TRPM4: variants seen among roughly 807,000 people sequenced by gnomAD.
TRPM4 encodes the protein calcium-activated non-selective cation channel 1.
Under a neutral mutation model 135.6 loss-of-function variants are expected in TRPM4, and 124 were observed. The observed-to-expected ratio is 0.91, with a 90% CI of 0.79 to 1.06. TRPM4 has a LOEUF of 1.06. Among genes scored for constraint, TRPM4 ranks in the 50% least tolerant of loss-of-function variants. The pLI is 0.00. For missense variants in TRPM4, 1,658 were observed against 1,671.4 expected (o/e 0.99, Z 0.14); for synonymous variants, 745 against 705.6 (o/e 1.06, Z -0.88).
Position 49,182,603 on chromosome 19 carries a change from T to C in TRPM4, c.1289T>C (p.Met430Thr). 1.2e-6 allele frequency: 2 copies of C among 1,613,960 alleles called. No homozygotes were observed. The highest frequency in any genetic ancestry group is 1.7e-6 in the Non-Finnish European group (2 of 1,180,026). ...WRSFHLEASL[M>T]DALLNDRPEF... ...TCCTTCCATCTCGAAGCTTCCCTCA[T>C]GGACGCCCTGCTGAATGACCGGCCT... The change falls in exon 11 of 25, where the codon ATG (methionine) becomes ACG (threonine). Residue 430 changes from methionine to threonine, a missense_variant. Physicochemically the swap from Met to Thr is moderately conservative, Grantham distance 81. Coordinates refer to ENST00000252826, the MANE Select transcript of TRPM4 (RefSeq NM_017636.4).
Position 49,195,793 on chromosome 19 carries a change from C to T in TRPM4, c.2211-647C>T, listed in dbSNP as rs1968610653. Among the ~76,000 whole-genome samples the T allele has an allele frequency of 2.6e-5, 4 of 151,322 alleles. No individual in the cohort carries two copies. In the South Asian group the frequency reaches 8.3e-4, roughly 31 times the overall value. Reference sequence around the variant, plus strand: ...GGGCCTCCTGTACTCAAGTGATCCTCCCATTTCAGCCTCCCCAGTAGCTGG... The same window carrying T: ...GGGCCTCCTGTACTCAAGTGATCCTTCCATTTCAGCCTCCCCAGTAGCTGG... On this transcript the variant is annotated intron_variant, in intron 16 of 24. Coordinates refer to ENST00000252826, the MANE Select transcript of TRPM4 (RefSeq NM_017636.4).
chr19:49,194,595 C>A (rs1008977022), intron 16 of TRPM4, among the ~76,000 whole-genome samples: 8 of 151,122 alleles, frequency 5.3e-5, no homozygotes, highest in Middle Eastern at 3.4e-3. Context: ...TCCTTCCTTT[C>A]CTTTCCTTTT....
In TRPM4 at chr19:49,200,298, A is replaced by T. The variant is rs1968863938; in HGVS notation, c.2646-2A>T. On this transcript the variant is annotated splice_acceptor_variant, in intron 17 of 24. Transcript: ENST00000252826. LOFTEE classifies it high-confidence loss of function. ...CCCTTGTGGCATCTCCCCACACCCC[A>T]GGCTGACCCCGGGTTTGTACCACCT... is the stretch of plus-strand genomic sequence containing the variant. 1.2e-6 allele frequency: 2 copies of T among 1,613,966 alleles called. No individual in the cohort carries two copies. Among genetic ancestry groups the T allele is most frequent in the African/African-American group, 2.7e-5 (2 of 74,890 alleles).
In TRPM4 at chr19:49,210,473, G is replaced by A; in HGVS notation, c.3328+68G>A. 6.4e-7 allele frequency: 1 copy of A among 1,568,842 alleles called. No homozygotes were observed. Among genetic ancestry groups the A allele is most frequent in the Non-Finnish European group, 8.7e-7 (1 of 1,152,184 alleles). ...CGGGAGCCTGGAAGGCGAGGGGAAG[G>A]GGGCATGCCCCAAATGACTAACGGG... is the stretch of plus-strand genomic sequence containing the variant. On this transcript the variant is annotated intron_variant, in intron 21 of 24. Transcript: ENST00000252826. This position sits in a 1 kb window ranked among gnomAD's most constrained non-coding sequence, Gnocchi z 4.1.
chr19:49,177,338 T>C (rs1029747465), intron 9 of TRPM4, among the ~76,000 whole-genome samples: 7 of 147,864 alleles, frequency 4.7e-5, no homozygotes, highest in South Asian at 2.2e-4. Context: ...GTCTTTTTTT[T>C]TTTTTTTTTT....
chr19:49,197,362 TTC>T (rs1555761733), intron 17 of TRPM4, among the ~76,000 whole-genome samples: 8,084 of 89,848 alleles, frequency 0.09, 319 homozygotes, highest in South Asian at 0.13. Flanking sequence ...CTTTCTTTCT[TTC>T]TCTCTCTTTC....
chr19:49,191,206 C>T (rs1444856330), intron 16 of TRPM4, among the ~76,000 whole-genome samples: 1 of 151,944 alleles, frequency 6.6e-6, no homozygotes, highest in Admixed American at 6.6e-5. Context: ...TTTCTTTGTT[C>T]TTTTTTTCTT....
chr19:49,211,203 G>C lies in TRPM4; in HGVS notation c.3574G>C (p.Ala1192Pro). ...CCGCGTCCTGGGGTGGGTGGCCGAGGCCCTGAGCCGCTCTGCCTTGCTGCC... is the reference window on the plus strand; with the variant it reads ...CCGCGTCCTGGGGTGGGTGGCCGAGCCCCTGAGCCGCTCTGCCTTGCTGCC... Reference protein sequence around the residue: ...CSRVLGWVAEALSRSALLPPG... With the variant: ...CSRVLGWVAEPLSRSALLPPG... The change falls in exon 24 of 25, where the codon GCC becomes CCC. Residue 1192 changes from alanine to proline, a missense_variant. Coordinates refer to ENST00000252826, the MANE Select transcript of TRPM4 (RefSeq NM_017636.4). The surrounding 1 kb of genome is among the most constrained non-coding windows in gnomAD (Gnocchi z 4.8). 6.2e-7 allele frequency: 1 copy of C among 1,601,086 alleles called. No homozygotes were observed. Among genetic ancestry groups the C allele is most frequent in the Non-Finnish European group, 8.5e-7 (1 of 1,174,566 alleles).
chr19:49,168,980 T>C (rs2122813476), intron 6 of TRPM4, among the ~76,000 whole-genome samples: 1 of 151,888 alleles, frequency 6.6e-6, no homozygotes, highest in South Asian at 2.1e-4. Flanking sequence ...AAGACCAGCC[T>C]GGGTAACAGA....
intron 9 of TRPM4, among the ~76,000 whole-genome samples, chr19:49,174,255 C>T (rs183236416): frequency 2.2e-4 from 33 of 152,126 alleles, no homozygotes; most frequent in Non-Finnish European, 3.8e-4. Flanking sequence ...CGGGTTCAAG[C>T]GATTCTCCTG....
chr19:49,181,657 G>A (rs922478732), intron 10 of TRPM4, among the ~76,000 whole-genome samples, 196 bp downstream of exon 10: 16 of 149,458 alleles, frequency 1.1e-4, no homozygotes, highest in African/African-American at 1.7e-4. Flanking sequence ...TCAGCCTCCC[G>A]AGTAGCTGGG....
At chr19:49,209,721 A>C (rs1969275796) in intron 20 of TRPM4, among the ~76,000 whole-genome samples, 7 of 135,896 alleles carry the variant, frequency 5.2e-5, no homozygotes, top group African/African-American at 8.3e-5. Context: ...CTGACATCTG[A>C]CCCTTGGCCC....
At chr19:49,158,319 G>T (rs2041558303) in intron 2 of TRPM4, 60 bp downstream of exon 2, 5 of 1,503,792 alleles carry the variant, frequency 3.3e-6, no homozygotes, top group South Asian at 1.1e-5. Flanking sequence ...CCCCGCCCGC[G>T]GATGGTCACG....
intron 17 of TRPM4, among the ~76,000 whole-genome samples, chr19:49,199,718 TTTC>T (rs1418906296): frequency 6.6e-6 from 1 of 150,622 alleles, no homozygotes; most frequent in Non-Finnish European, 1.5e-5. Flanking sequence ...CTTTTGTATG[TTTC>T]TTTTCTTTTC....
At chr19:49,177,330 C>CTTTT (rs36041791) in intron 9 of TRPM4, among the ~76,000 whole-genome samples, 5 of 117,286 alleles carry the variant, frequency 4.3e-5, no homozygotes, top group Admixed American at 9.0e-5. Flanking sequence ...ATGAATGCGT[C>CTTTT]TTTTTTTTTT....
At position 49,196,475 on chromosome 19, in the gene TRPM4, T is replaced by C; in HGVS notation, c.2246T>C (p.Val749Ala). 1 of 1,554,206 alleles carries C rather than the reference T, an allele frequency of 6.4e-7. No homozygotes were observed. Among genetic ancestry groups the C allele is most frequent in the Non-Finnish European group, 8.7e-7 (1 of 1,153,126 alleles). The stretch of plus-strand genomic sequence containing the variant: ...CCAGCCGAGAAGACGCCGCTGGGGG[T>C]CCCGCGCCAGTCGGGCCGTCCGGGT... The part of the protein sequence containing the change: ...ADPAEKTPLG[V>A]PRQSGRPGCC... The change falls in exon 17 of 25, where the codon GTC becomes GCC. Residue 749 changes from valine to alanine, a missense_variant. By Grantham distance (64) the Val-to-Ala change is moderately conservative. Around this residue, in one of 3 missense-constraint regions of TRPM4, gnomAD observed 1,412 missense variants for 1,408.7 expected, o/e 1.00. Transcript: ENST00000252826.
chr19:49,205,588 T>G (rs1331411923), intron 20 of TRPM4, among the ~76,000 whole-genome samples: 1 of 140,404 alleles, frequency 7.1e-6, no homozygotes, highest in Non-Finnish European at 1.5e-5. Flanking sequence ...CAGGTTGGAG[T>G]GCAATGGCGT....
At chr19:49,183,330 C>A in intron 12 of TRPM4, 118 bp downstream of exon 12, 1 of 1,312,882 alleles carries the variant, frequency 7.6e-7, no homozygotes, top group Non-Finnish European at 1.1e-6. Context: ...GGCGCCCCAT[C>A]CTCCGTCGCT....
chr19:49,165,515 AAC>A (rs1228310468), intron 2 of TRPM4, among the ~76,000 whole-genome samples: 1 of 152,106 alleles, frequency 6.6e-6, no homozygotes, highest in African/African-American at 2.4e-5. Flanking sequence ...CATTTCAGGA[AAC>A]ACGGCGTTCT....
Sources: allele counts gnomAD v4.1 joint callset (sites outside exome capture counted in the v4.1 genomes callset), GRCh38; gene constraint gnomAD v4.1.1; regional missense constraint gnomAD v4.1.1; non-coding constraint Gnocchi (gnomAD v3.1); transcripts MANE v1.5; gene names NCBI Gene and HGNC (gene_info 2026-07-23, HGNC 2026-07-21).